The following RNF212B variants were observed in gnomAD, a reference collection of about 807,000 sequenced individuals.
The protein encoded by RNF212B is E3 ubiquitin-protein ligase RNF212B.
In RNF212B, 52 loss-of-function variants were observed where a neutral mutation model predicts 55.5. That is an observed-to-expected ratio of 0.94 (90% CI 0.75 to 1.18). The LOEUF (loss-of-function observed/expected upper bound fraction) is 1.18. Ranked by LOEUF, RNF212B falls within the 50% of genes most tolerant of loss-of-function variation. RNF212B has a pLI of 0.00. For missense variants in RNF212B, 289 were observed against 350.4 expected (o/e 0.82, Z 1.40); for synonymous variants, 99 against 121.4 (o/e 0.82, Z 1.21).
At chr14:23,258,377 C>A in intron 4 of RNF212B, 172 bp from the exon 5 acceptor site, 1 of 355,944 alleles carries the variant, frequency 2.8e-6, no homozygotes, top group Non-Finnish European at 5.0e-6. Context: ...GGCTAGTGTC[C>A]TGGAAATGAG....
At chr14:23,226,809 C>CTT (rs201704825) in intron 2 of RNF212B, among the ~76,000 whole-genome samples, 4 of 27,852 alleles carry the variant, frequency 1.4e-4, no homozygotes, top group African/African-American at 7.9e-4. Context: ...CTTTCTTCTT[C>CTT]TTCTTTTTTT....
intron 4 of RNF212B, among the ~76,000 whole-genome samples, chr14:23,249,700 G>C (rs1352163043): frequency 1.3e-5 from 2 of 152,160 alleles, no homozygotes; most frequent in Admixed American, 6.5e-5. Context: ...GCCAGTGTGA[G>C]GTAGTATTCC....
At chr14:23,222,302 A>T (rs938623620) in intron 2 of RNF212B, among the ~76,000 whole-genome samples, 4 of 152,146 alleles carry the variant, frequency 2.6e-5, no homozygotes, top group Non-Finnish European at 4.4e-5. Flanking sequence ...AAGAAAAAGG[A>T]GACATAACTA....
upstream of RNF212B, among the ~76,000 whole-genome samples, chr14:23,234,586 C>T (rs1253491953): frequency 6.6e-6 from 1 of 152,210 alleles, no homozygotes; most frequent in African/African-American, 2.4e-5. Flanking sequence ...TCCCCATGCA[C>T]ACTTACCAAT....
At chr14:23,198,571 G>C (rs1878963334) in intron 2 of RNF212B, among the ~76,000 whole-genome samples, 1 of 151,992 alleles carries the variant, frequency 6.6e-6, no homozygotes, top group Non-Finnish European at 1.5e-5. Context: ...AGCCACTAGG[G>C]AAGCTGAAGC....
chr14:23,260,583 C>T (rs1028799319), intron 6 of RNF212B, 76 bp from the exon 7 acceptor site: 2 of 1,393,668 alleles, frequency 1.4e-6, no homozygotes, highest in East Asian at 2.5e-5. Context: ...TTAGTTATCT[C>T]GCAAGTAAGA....
intron 2 of RNF212B, among the ~76,000 whole-genome samples, chr14:23,227,223 A>ATTT (rs142475427): frequency 0.04 from 6,025 of 150,350 alleles, 375 homozygotes; most frequent in African/African-American, 0.13. Flanking sequence ...TATTATTATA[A>ATTT]TTTTTTTTTT....
intron 1 of RNF212B, among the ~76,000 whole-genome samples, chr14:23,185,681 T>C (rs1877523337): frequency 6.6e-6 from 1 of 152,226 alleles, no homozygotes; most frequent in Non-Finnish European, 1.5e-5. Flanking sequence ...AATACGTTCT[T>C]GGAATACAGC....
chr14:23,219,244 G>A (rs1172808960), intron 2 of RNF212B, among the ~76,000 whole-genome samples: 3 of 152,076 alleles, frequency 2.0e-5, no homozygotes, highest in East Asian at 3.9e-4. Context: ...AGAAATCATC[G>A]GAAGGTACGA....
At chr14:23,240,846 G>A (rs1883516958) in intron 2 of RNF212B, among the ~76,000 whole-genome samples, 1 of 152,160 alleles carries the variant, frequency 6.6e-6, no homozygotes, top group Non-Finnish European at 1.5e-5. Context: ...GATTAGAAAT[G>A]ATGATGATGA....
chr14:23,233,421 ATATT>A (rs199807468), upstream of RNF212B, among the ~76,000 whole-genome samples: 1,378 of 151,608 alleles, frequency 9.1e-3, 15 homozygotes, highest in African/African-American at 0.031. Flanking sequence ...AAAAAAAAGA[ATATT>A]TAAAGAAAAG....
intron 2 of RNF212B, among the ~76,000 whole-genome samples, chr14:23,209,197 G>A (rs1880232329): frequency 6.6e-6 from 1 of 151,424 alleles, no homozygotes; most frequent in South Asian, 2.1e-4. Flanking sequence ...GCTGGTGGGA[G>A]TGTAGCAGTA....
chr14:23,220,693 C>T (rs146447898), intron 2 of RNF212B, among the ~76,000 whole-genome samples: 2,417 of 150,996 alleles, frequency 0.016, 66 homozygotes, highest in African/African-American at 0.055. Context: ...GGCGTGGTGG[C>T]GGGCACCTGT....
chr14:23,268,836 T>C, intron 11 of RNF212B, 88 bp from the exon 12 acceptor site: 2 of 1,106,232 alleles, frequency 1.8e-6, no homozygotes. Context: ...ATCTTTTATC[T>C]CCATTTCCTT....
chr14:23,238,674 G>C (rs548014084), intron 1 of RNF212B, among the ~76,000 whole-genome samples: 79 of 151,516 alleles, frequency 5.2e-4, no homozygotes, highest in African/African-American at 1.7e-3. Flanking sequence ...GGAGTTCCAG[G>C]CTGCAGCGAG....
At chr14:23,251,711 G>T (rs1168462159) in intron 4 of RNF212B, among the ~76,000 whole-genome samples, 1 of 151,752 alleles carries the variant, frequency 6.6e-6, no homozygotes, top group Non-Finnish European at 1.5e-5. Context: ...AGCTACTCTG[G>T]AGGCTGAAGC....
intron 2 of RNF212B, among the ~76,000 whole-genome samples, chr14:23,227,797 C>T (rs1377298332): frequency 2.0e-5 from 3 of 152,064 alleles, no homozygotes; most frequent in Non-Finnish European, 4.4e-5. Context: ...CAGGATTTTA[C>T]TACATTGGCC....
intron 4 of RNF212B, among the ~76,000 whole-genome samples, chr14:23,257,236 C>A (rs1290248904): frequency 6.6e-6 from 1 of 152,144 alleles, no homozygotes; most frequent in Non-Finnish European, 1.5e-5. Flanking sequence ...AGGCTGGTCT[C>A]AAATTCCTGG....
intron 4 of RNF212B, among the ~76,000 whole-genome samples, chr14:23,256,975 A>T (rs2140465014): frequency 6.6e-6 from 1 of 152,256 alleles, no homozygotes; most frequent in African/African-American, 2.4e-5. Flanking sequence ...CAACATGGTG[A>T]AACCCTGTCT....
Sources: allele counts gnomAD v4.1 joint callset (sites outside exome capture counted in the v4.1 genomes callset), GRCh38; gene constraint gnomAD v4.1.1; transcripts MANE v1.5; gene names NCBI Gene and HGNC (gene_info 2026-07-23, HGNC 2026-07-21).